PCYT1A: variants seen among roughly 807,000 people sequenced by gnomAD.
The protein encoded by PCYT1A is phosphate cytidylyltransferase 1A, choline, also known as choline-phosphate cytidylyltransferase A.
In PCYT1A, 25 loss-of-function variants were observed where a neutral mutation model predicts 43.7. That is an observed-to-expected ratio of 0.57 (90% CI 0.42 to 0.80). The LOEUF (loss-of-function observed/expected upper bound fraction) is 0.80. Ranked by LOEUF, PCYT1A falls within the 30% of genes least tolerant of loss-of-function variation. The pLI, the probability that PCYT1A is intolerant of heterozygous loss-of-function variation, is 0.00. For missense variants in PCYT1A, 421 were observed against 474.2 expected (o/e 0.89, Z 1.04); for synonymous variants, 172 against 170.7 (o/e 1.01, Z -0.06).
rs1725785207 is a variant in PCYT1A, at chr3:196,282,068, T to TA, written c.-11+5546dup. Among the ~76,000 whole-genome samples the TA allele has an allele frequency of 6.6e-6, 1 of 152,242 alleles. No homozygotes were observed. Among genetic ancestry groups the TA allele is most frequent in the Admixed American group, 6.5e-5 (1 of 15,268 alleles). On this transcript the variant is annotated intron_variant, in intron 1 of 8. Transcript: ENST00000431016. This position sits in a 1 kb window ranked among gnomAD's most constrained non-coding sequence, Gnocchi z 4.3. The stretch of plus-strand genomic sequence containing the variant: ...TTAGTTCTAAACTAAAGTTCAACGT[T>TA]ACTTGTCATGAGCCCTATAAACTGT...
At chr3:196,286,649 TCA>T (rs1370806292) in intron 1 of PCYT1A, among the ~76,000 whole-genome samples, 1 of 152,222 alleles carries the variant, frequency 6.6e-6, no homozygotes, top group East Asian at 1.9e-4. Context: ...GCGCGGTGGC[TCA>T]CACTGTAATC....
At chr3:196,283,924 G>A (rs1334553092) in intron 1 of PCYT1A, among the ~76,000 whole-genome samples, 1 of 152,150 alleles carries the variant, frequency 6.6e-6, no homozygotes, top group Non-Finnish European at 1.5e-5. Flanking sequence ...GCAAAAAAGG[G>A]ACTCTCACAG....
chr3:196,281,287 C>T (rs1046309709), intron 1 of PCYT1A, among the ~76,000 whole-genome samples: 1 of 152,210 alleles, frequency 6.6e-6, no homozygotes, highest in Admixed American at 6.5e-5. Flanking sequence ...TCTTGCTGTA[C>T]ACTCAGGTCT....
In PCYT1A at chr3:196,284,672, G is replaced by A. The variant is rs866919012; in HGVS notation, c.-11+2943C>T. Among the ~76,000 whole-genome samples, 4 of 152,292 alleles carry A rather than the reference G, an allele frequency of 2.6e-5. No individual in the cohort carries two copies. In the South Asian group the frequency reaches 6.2e-4, roughly 24 times the overall value. ...AAATAAAACCCCACTGCTTATGGGA[G>A]GAGAGTCATAGACTGAGGGGGAATG... On this transcript the variant is annotated intron_variant, in intron 1 of 8. Transcript: ENST00000431016.
chr3:196,265,012 T>C (rs1478592628), intron 2 of PCYT1A, among the ~76,000 whole-genome samples: 1 of 152,016 alleles, frequency 6.6e-6, no homozygotes, highest in Admixed American at 6.6e-5. Context: ...TTCATACATA[T>C]GATATTCTTT....
At chr3:196,258,564 T>C (rs1055105539) in intron 2 of PCYT1A, among the ~76,000 whole-genome samples, 9 of 151,466 alleles carry the variant, frequency 5.9e-5, no homozygotes, top group African/African-American at 1.7e-4. Flanking sequence ...TCTGTGAATA[T>C]AGTTTTGCTT....
intron 3 of PCYT1A, among the ~76,000 whole-genome samples, chr3:196,253,579 G>T (rs2108769845): frequency 6.6e-6 from 1 of 152,314 alleles, no homozygotes. Flanking sequence ...GAATGCTGTT[G>T]ATCAAGTGGC....
chr3:196,244,227 C>T (rs1297065790), intron 5 of PCYT1A, among the ~76,000 whole-genome samples: 11 of 149,436 alleles, frequency 7.4e-5, no homozygotes, highest in African/African-American at 2.7e-4. Context: ...CCGGCCACGA[C>T]CCCGTCTGGG....
chr3:196,287,341 GAT>G (rs1725942015), intron 1 of PCYT1A: 1 of 152,114 alleles, frequency 6.6e-6, no homozygotes, highest in Non-Finnish European at 1.5e-5. Flanking sequence ...CTTGCCCCTT[GAT>G]CATAGTCCCT....
rs530766516 is a variant in PCYT1A, at chr3:196,244,371, G to C, written c.487-1731C>G. Among the ~76,000 whole-genome samples, 695 of 145,592 alleles carry C rather than the reference G, an allele frequency of 4.8e-3. 3 individuals carry two copies. Among genetic ancestry groups the C allele is most frequent in the African/African-American group, 0.017 (659 of 39,196 alleles). ...CGTCTAGGAAGTGAGGAGCGTCTCTGCCCGGCCGCCCATCGTCTGAGATGT... is the reference window on the plus strand; with the variant it reads ...CGTCTAGGAAGTGAGGAGCGTCTCTCCCCGGCCGCCCATCGTCTGAGATGT... On this transcript the variant is annotated intron_variant, in intron 5 of 8. Coordinates refer to ENST00000431016, the MANE Select transcript of PCYT1A (RefSeq NM_001312673.2).
At chr3:196,257,127 T>C (rs1724971911) in intron 3 of PCYT1A, among the ~76,000 whole-genome samples, 1 of 152,190 alleles carries the variant, frequency 6.6e-6, no homozygotes, top group South Asian at 2.1e-4. Flanking sequence ...TTTGTATTCA[T>C]AACAAATGCT....
intron 7 of PCYT1A, chr3:196,241,603 G>T (rs1724358247): frequency 7.6e-7 from 1 of 1,314,598 alleles, no homozygotes. Flanking sequence ...CACGAGGAGG[G>T]CTCATAGCCT....
chr3:196,238,446 G>T lies in PCYT1A; in HGVS notation c.*242C>A, dbSNP rs182349073. 1.1e-4 allele frequency: 38 copies of T among 355,450 alleles called. No homozygotes were observed. The highest frequency in any genetic ancestry group is 4.2e-4 in the Admixed American group (9 of 21,200). The allele number at this position is 355,450 out of a possible 1,614,324, so 22.0% of individuals were successfully genotyped here. ...CATAAACAGTGAAACAAAGCCCTTG[G>T]GGGGGGGTAAATGGATGCAGAGCAG... is the stretch of plus-strand genomic sequence containing the variant. On this transcript the variant is annotated 3_prime_UTR_variant, in exon 9 of 9. Coordinates refer to ENST00000431016, the MANE Select transcript of PCYT1A (RefSeq NM_001312673.2).
At chr3:196,245,074 C>A (rs1724517698) in intron 5 of PCYT1A, among the ~76,000 whole-genome samples, 1 of 129,102 alleles carries the variant, frequency 7.7e-6, no homozygotes, top group South Asian at 2.5e-4. Context: ...GAGAAACACC[C>A]AAGAATGATC....
chr3:196,243,444 C>T (rs755303550), intron 5 of PCYT1A, among the ~76,000 whole-genome samples: 1 of 152,106 alleles, frequency 6.6e-6, no homozygotes, highest in Non-Finnish European at 1.5e-5. Flanking sequence ...GGAATAGATA[C>T]ATCTATTGGC....
At chr3:196,258,594 T>C (rs1426792665) in intron 2 of PCYT1A, among the ~76,000 whole-genome samples, 7 of 43,216 alleles carry the variant, frequency 1.6e-4, no homozygotes, top group African/African-American at 5.0e-4. Context: ...CAATCTGGAT[T>C]TTTTTTTTTT....
At position 196,247,822 on chromosome 3, in the gene PCYT1A, A is replaced by C; in HGVS notation, c.335-304T>G. 3.7e-6 allele frequency: 2 copies of C among 541,422 alleles called. No individual in the cohort carries two copies. Among genetic ancestry groups the C allele is most frequent in the East Asian group, 7.1e-5 (2 of 28,222 alleles). 33.5% of individuals were successfully genotyped at this position (541,422 alleles called of 1,614,324 possible). A position where few individuals can be genotyped will look rare whatever the true frequency, so the allele number is the denominator to read the frequency against. On this transcript the variant is annotated intron_variant, in intron 4 of 8. Coordinates refer to ENST00000431016, the MANE Select transcript of PCYT1A (RefSeq NM_001312673.2). The surrounding 1 kb of genome is among the most constrained non-coding windows in gnomAD (Gnocchi z 4.8). Reference sequence around the variant, plus strand: ...CGTGTCTGCATCAATTAAGTCCTTAAACATGTTTTCCTGTTTTATTCACAC... The same window carrying C: ...CGTGTCTGCATCAATTAAGTCCTTACACATGTTTTCCTGTTTTATTCACAC...
chr3:196,242,956 T>C lies in PCYT1A; in HGVS notation c.487-316A>G. 3.0e-6 allele frequency: 1 copy of C among 331,008 alleles called. No individual in the cohort carries two copies. The highest frequency in any genetic ancestry group is 2.1e-5 in the African/African-American group (1 of 47,614). The allele number at this position is 331,008 out of a possible 1,614,324, so 20.5% of individuals were successfully genotyped here. On this transcript the variant is annotated intron_variant, in intron 5 of 8. Coordinates refer to ENST00000431016, the MANE Select transcript of PCYT1A (RefSeq NM_001312673.2). The surrounding 1 kb of genome is among the most constrained non-coding windows in gnomAD (Gnocchi z 4.2). ...GCCAGAGGGTTTGCTGGTGAACCGGTTAGTGGGTGGAGCCTAGGAAAGAAG... is the reference window on the plus strand; with the variant it reads ...GCCAGAGGGTTTGCTGGTGAACCGGCTAGTGGGTGGAGCCTAGGAAAGAAG...
Position 196,270,464 on chromosome 3 carries a change from C to T in PCYT1A, c.68G>A (p.Gly23Glu), listed in dbSNP as rs1309199348. Residue 23 changes from glycine to glutamate, a missense_variant, in exon 2 of 9, where the codon GGG becomes GAG. Physicochemically the swap from Gly to Glu is moderately conservative, Grantham distance 98. Transcript: ENST00000431016. ...KRRKEAPGPN[G>E]ATEEDGVPSK... Reference sequence around the variant, plus strand: ...AGGAACCCCATCTTCTTCTGTTGCCCCGTTGGGTCCGGGCGCCTCTTTTCT... The same window carrying T: ...AGGAACCCCATCTTCTTCTGTTGCCTCGTTGGGTCCGGGCGCCTCTTTTCT... The T allele has an allele frequency of 1.9e-6, 3 of 1,614,052 alleles. No homozygotes were observed. The highest frequency in any genetic ancestry group is 2.5e-6 in the Non-Finnish European group (3 of 1,180,008).
Sources: allele counts gnomAD v4.1 joint callset (sites outside exome capture counted in the v4.1 genomes callset), GRCh38; gene constraint gnomAD v4.1.1; non-coding constraint Gnocchi (gnomAD v3.1); transcripts MANE v1.5; gene names NCBI Gene and HGNC (gene_info 2026-07-23, HGNC 2026-07-21).